The following NOL6 variants were observed in gnomAD, a reference collection of about 807,000 sequenced individuals.
NOL6 encodes the protein nucleolar protein 6.
A neutral mutation model predicts 131.7 loss-of-function variants in NOL6; 33 were observed. That is an observed-to-expected ratio of 0.25 (90% CI 0.19 to 0.33). NOL6 has a LOEUF of 0.33. NOL6 is among the 10% of genes least tolerant of loss of function. The pLI is 1.00. For synonymous variants in NOL6, 580 were observed against 605.7 expected (o/e 0.96, Z 0.62); for missense variants, 1,297 against 1,494.5 (o/e 0.87, Z 2.18).
chr9:33,466,045 G>A, intron 18 of NOL6, 26 bp downstream of exon 18: 1 of 1,566,460 alleles, frequency 6.4e-7, no homozygotes. Context: ...CTTCCCTGGG[G>A]ACATATCTGC....
At position 33,462,394 on chromosome 9, in the gene NOL6, G is replaced by A. The variant is rs767360762; in HGVS notation, c.*270C>T. The A allele has an allele frequency of 1.3e-5, 8 of 627,246 alleles. No homozygotes were observed. The highest frequency in any genetic ancestry group is 2.3e-5 in the Non-Finnish European group (8 of 348,102). 38.9% of individuals were successfully genotyped at this position (627,246 alleles called of 1,614,324 possible). A position where few individuals can be genotyped will look rare whatever the true frequency, so the allele number is the denominator to read the frequency against. On this transcript the variant is annotated 3_prime_UTR_variant, in exon 26 of 26. Transcript: ENST00000297990. ...GGGCTAATAGGTGGATGGATCTCCT[G>A]GGTTCAGTTCCTTCTCTGAGCTGGC... is the stretch of plus-strand genomic sequence containing the variant.
At position 33,463,054 on chromosome 9, in the gene NOL6, G is replaced by A; in HGVS notation, c.3270C>T (p.Ser1090=). 6.2e-7 allele frequency: 1 copy of A among 1,613,772 alleles called. No homozygotes were observed. Among genetic ancestry groups the A allele is most frequent in the Non-Finnish European group, 8.5e-7 (1 of 1,179,850 alleles). The change falls in exon 25 of 26, where the codon AGC becomes AGT. Residue 1090 remains serine (S), a synonymous_variant. Coordinates refer to ENST00000297990, the MANE Select transcript of NOL6 (RefSeq NM_022917.5). ...EVIGVLWKPT[S]FQPQPFKASS... is the part of the protein sequence containing the mutation. ...ACACCTTGAAGGGCTGCGGCTGGAA[G>A]CTGGTGGGCTTCCAGAGGACACCAA...
chr9:33,463,754 T>C (rs1348223438), intron 23 of NOL6, 77 bp downstream of exon 23: 5 of 1,472,220 alleles, frequency 3.4e-6, no homozygotes, highest in East Asian at 4.6e-5. Context: ...CCGGGTCTCC[T>C]GTGAGATCCC....
At chr9:33,470,409 C>G (rs1467973783) in intron 3 of NOL6, 1 of 371,404 alleles carries the variant, frequency 2.7e-6, no homozygotes, top group Non-Finnish European at 4.7e-6. Flanking sequence ...ACCCATTTTA[C>G]GAGCCGGGCG....
In NOL6 at chr9:33,463,306, A is replaced by G; in HGVS notation, c.3130T>C (p.Ser1044Pro). Residue 1044 changes from serine to proline, a missense_variant, in exon 24 of 26, where the codon TCA (serine) becomes CCA (proline). Ser to Pro is a moderately conservative substitution (Grantham distance 74). Coordinates refer to ENST00000297990, the MANE Select transcript of NOL6 (RefSeq NM_022917.5). ...CRGLLSQPGP[S>P]SLMPVLGYDP... Reference sequence around the variant, plus strand: ...TAGCCCAGCACGGGCATCAGGGATGAGGGCCCCGGCTGGCTGAGCAGGCCC... The same window carrying G: ...TAGCCCAGCACGGGCATCAGGGATGGGGGCCCCGGCTGGCTGAGCAGGCCC... The G allele has an allele frequency of 1.2e-6, 2 of 1,614,138 alleles. No individual in the cohort carries two copies. The highest frequency in any genetic ancestry group is 1.7e-6 in the Non-Finnish European group (2 of 1,180,000).
chr9:33,464,342 T>C (rs1374182241), intron 21 of NOL6, among the ~76,000 whole-genome samples, 181 bp from the exon 22 acceptor site: 1 of 152,102 alleles, frequency 6.6e-6, no homozygotes, highest in Non-Finnish European at 1.5e-5. Flanking sequence ...GGGTGGGGCA[T>C]TAATCGCCCA....
chr9:33,473,509 C>T (rs951815358), intron 1 of NOL6, among the ~76,000 whole-genome samples: 12 of 152,224 alleles, frequency 7.9e-5, no homozygotes, highest in African/African-American at 2.9e-4. Flanking sequence ...TCAAGGACCA[C>T]CAAATAAAAG....
rs1469483166 is a variant in NOL6 at position 33,467,772 on chromosome 9, C to T, written c.1521G>A (p.Leu507=). ...DNGGDYVSAA[L]GPLTTLLEQG... is the part of the protein sequence containing the mutation. ...GCTCCAGGAGGGTGGTCAGGGGGCC[C>T]AAAGCAGCTGAGACATAGTCCCCAC... The change falls in exon 12 of 26, where the codon TTG becomes TTA. Residue 507 remains leucine, a synonymous_variant. Coordinates refer to ENST00000297990, the MANE Select transcript of NOL6 (RefSeq NM_022917.5). The surrounding 1 kb of genome is among the most constrained non-coding windows in gnomAD (Gnocchi z 4.4). The T allele has an allele frequency of 6.2e-7, 1 of 1,611,176 alleles. No homozygotes were observed. The highest frequency in any genetic ancestry group is 1.1e-5 in the South Asian group (1 of 90,720).
rs756041986 is a variant in NOL6 at position 33,462,739 on chromosome 9, G to A, written c.3366C>T (p.Ile1122=). The A allele has an allele frequency of 6.2e-7, 1 of 1,614,134 alleles. No individual in the cohort carries two copies. Among genetic ancestry groups the A allele is most frequent in the Admixed American group, 1.7e-5 (1 of 60,020 alleles). ...ELVMVPNVEA[I]LEDFAVLGEG... Reference sequence around the variant, plus strand: ...CACCCAGCACAGCAAAGTCCTCCAGGATTGCTTCAACATTGGGCACCATTA... The same window carrying A: ...CACCCAGCACAGCAAAGTCCTCCAGAATTGCTTCAACATTGGGCACCATTA... Residue 1122 remains isoleucine, a synonymous_variant, in exon 26 of 26, where the codon ATC becomes ATT. Coordinates refer to ENST00000297990, the MANE Select transcript of NOL6 (RefSeq NM_022917.5).
chr9:33,473,519 G>C (rs1827470589), intron 1 of NOL6, among the ~76,000 whole-genome samples: 1 of 151,370 alleles, frequency 6.6e-6, no homozygotes, highest in Non-Finnish European at 1.5e-5. Flanking sequence ...CCAAATAAAA[G>C]AAACGACCCA....
chr9:33,467,055 A>G lies in NOL6; in HGVS notation c.1874+59T>C. On this transcript the variant is annotated intron_variant, in intron 14 of 25. Coordinates refer to ENST00000297990, the MANE Select transcript of NOL6 (RefSeq NM_022917.5). The surrounding 1 kb of genome is among the most constrained non-coding windows in gnomAD (Gnocchi z 4.4). ...GTTCTCGCTCAACTGCCTGGGCCAG[A>G]CCCCTGAAAAGGCTCCCCAGCCCAC... The G allele has an allele frequency of 6.2e-7, 1 of 1,613,146 alleles. No individual in the cohort carries two copies. The highest frequency in any genetic ancestry group is 1.1e-5 in the South Asian group (1 of 91,056).
rs761417531 is a variant in NOL6, at chr9:33,465,385, G to A, written c.2529-26C>T. ...CTGCAGAGAGAAGGGGAGTGTCAGC[G>A]AGACTCAGGGCCCCACTGCCACTGT... On this transcript the variant is annotated intron_variant, in intron 19 of 25. Transcript: ENST00000297990. 1.5e-5 allele frequency: 24 copies of A among 1,562,976 alleles called. No individual in the cohort carries two copies. In the East Asian group the frequency reaches 3.3e-4, roughly 22 times the overall value.
Position 33,469,047 on chromosome 9 carries a change from G to C in NOL6, c.937C>G (p.Leu313Val). 6.2e-7 allele frequency: 1 copy of C among 1,614,198 alleles called. No individual in the cohort carries two copies. Among genetic ancestry groups the C allele is most frequent in the Admixed American group, 1.7e-5 (1 of 60,030 alleles). Residue 313 changes from leucine (L) to valine (V), a missense_variant, in exon 7 of 26, where the codon CTG (leucine) becomes GTG (valine). Coordinates refer to ENST00000297990, the MANE Select transcript of NOL6 (RefSeq NM_022917.5). ...QDTVLESHLQ[L>V]LSTILSSAQG... ...GCTGAACTCAGAATGGTTGACAGCA[G>C]CTGCAAATGGGACTCGAGAACTGTA...
rs779601215 is a variant in NOL6 at position 33,468,991 on chromosome 9, C to A, written c.993G>T (p.Leu331=). The A allele has an allele frequency of 2.5e-6, 4 of 1,614,194 alleles. No homozygotes were observed. The highest frequency in any genetic ancestry group is 8.5e-7 in the Non-Finnish European group (1 of 1,180,026). The change falls in exon 7 of 26, where the codon CTG becomes CTT. Residue 331 remains leucine (L), a synonymous_variant. Coordinates refer to ENST00000297990, the MANE Select transcript of NOL6 (RefSeq NM_022917.5). ...AQGLKDGVAL[L]KVWLRQRELD... ...GCTCCCGCTGCCGCAGCCAGACCTT[C>A]AGAAGTGCCACGCCATCCTTCAGGC...
At chr9:33,466,282 C>A in intron 17 of NOL6, 26 bp downstream of exon 17, 7 of 1,613,790 alleles carry the variant, frequency 4.3e-6, no homozygotes, top group Non-Finnish European at 5.9e-6. Flanking sequence ...ACTATCCCTC[C>A]CACTCCCTCC....
At position 33,469,484 on chromosome 9, in the gene NOL6, A is replaced by T; in HGVS notation, c.727+15T>A. 8 of 1,598,414 alleles carry T rather than the reference A, an allele frequency of 5.0e-6. No homozygotes were observed. Among genetic ancestry groups the T allele is most frequent in the Non-Finnish European group, 6.8e-6 (8 of 1,172,470 alleles). On this transcript the variant is annotated intron_variant, in intron 5 of 25. Transcript: ENST00000297990. ...CATCCCATGCTATGCCCTCAGCCCA[A>T]TGTGTGCCTCTCACCACGCGGCCGC...
At position 33,464,370 on chromosome 9, in the gene NOL6, A is replaced by G. The variant is rs113392270; in HGVS notation, c.2780-209T>C. Among the ~76,000 whole-genome samples the G allele has an allele frequency of 2.0e-4, 31 of 152,174 alleles. 1 individual carries two copies. The highest frequency in any genetic ancestry group is 7.5e-4 in the African/African-American group (31 of 41,512). On this transcript the variant is annotated intron_variant, in intron 21 of 25. Transcript: ENST00000297990. ...ATCGCCCAACCTCAGCCCAGAGGCAAAATTTTCCACTGCTTGGCACCCCCA... is the reference window on the plus strand; with the variant it reads ...ATCGCCCAACCTCAGCCCAGAGGCAGAATTTTCCACTGCTTGGCACCCCCA...
chr9:33,467,621 C>T lies in NOL6; in HGVS notation c.1602+70G>A. The T allele has an allele frequency of 2.6e-6, 4 of 1,561,254 alleles. No homozygotes were observed. The highest frequency in any genetic ancestry group is 3.5e-6 in the Non-Finnish European group (4 of 1,152,124). On this transcript the variant is annotated intron_variant, in intron 12 of 25. Transcript: ENST00000297990. This position sits in a 1 kb window ranked among gnomAD's most constrained non-coding sequence, Gnocchi z 4.4. Reference sequence around the variant, plus strand: ...ACGCCTAGCTGGAGGAATGGTGTGTCCTTTGTGTCTCTTGGGACCCTGGAT... The same window carrying T: ...ACGCCTAGCTGGAGGAATGGTGTGTTCTTTGTGTCTCTTGGGACCCTGGAT...
At chr9:33,462,915 C>A in intron 25 of NOL6, 102 bp from the exon 26 acceptor site, 1 of 1,550,458 alleles carries the variant, frequency 6.4e-7, no homozygotes, top group East Asian at 2.3e-5. Context: ...GAAACACAAG[C>A]CCATACACTC....
Sources: allele counts gnomAD v4.1 joint callset (sites outside exome capture counted in the v4.1 genomes callset), GRCh38; gene constraint gnomAD v4.1.1; non-coding constraint Gnocchi (gnomAD v3.1); transcripts MANE v1.5; gene names NCBI Gene and HGNC (gene_info 2026-07-23, HGNC 2026-07-21).